The following SUGCT variants were observed in gnomAD, a reference collection of about 807,000 sequenced individuals.
The protein encoded by SUGCT is succinyl-CoA:glutarate-CoA transferase.
SUGCT carries 41 observed loss-of-function variants against 55.0 expected under a neutral mutation model. That is an observed-to-expected ratio of 0.74 (90% CI 0.58 to 0.97). SUGCT has a LOEUF of 0.97. Ranked by LOEUF, SUGCT falls within the 50% of genes least tolerant of loss-of-function variation. SUGCT has a pLI of 0.00. For missense variants in SUGCT, 568 were observed against 547.8 expected (o/e 1.04, Z -0.37); for synonymous variants, 187 against 200.4 (o/e 0.93, Z 0.56).
chr7:40,865,406 T>C (rs1416544356), downstream of SUGCT, among the ~76,000 whole-genome samples: 1 of 152,184 alleles, frequency 6.6e-6, no homozygotes, highest in African/African-American at 2.4e-5. Flanking sequence ...CTGCCACTTC[T>C]TGTCCCTTGA....
rs545718535 is a variant in SUGCT at position 40,219,144 on chromosome 7, A to G, written c.485-18491A>G. 2.0e-5 allele frequency among the ~76,000 whole-genome samples: 3 copies of G among 152,106 alleles called. No individual in the cohort carries two copies. The South Asian group carries it at 6.2e-4, about 32-fold the overall frequency. Reference sequence around the variant, plus strand: ...ACGCGCCACCTTTATGAGCTATAACACTCATGGCCAAGGTCTGCAGCTTCC... The same window carrying G: ...ACGCGCCACCTTTATGAGCTATAACGCTCATGGCCAAGGTCTGCAGCTTCC... On this transcript the variant is annotated intron_variant, in intron 6 of 13. Coordinates refer to ENST00000335693, the MANE Select transcript of SUGCT (RefSeq NM_001193313.2).
chr7:40,763,188 G>C (rs1788620896), intron 13 of SUGCT, among the ~76,000 whole-genome samples: 1 of 152,176 alleles, frequency 6.6e-6, no homozygotes, highest in South Asian at 2.1e-4. Context: ...CCACAATAAG[G>C]CTAGTTGTAG....
chr7:40,499,273 T>C (rs535496698), intron 12 of SUGCT: 2 of 291,340 alleles, frequency 6.9e-6, no homozygotes, highest in African/African-American at 2.2e-5. Flanking sequence ...AAAGCCAGGA[T>C]TGGGAGACTC....
At chr7:40,224,470 A>T (rs1202034524) in intron 6 of SUGCT, among the ~76,000 whole-genome samples, 1 of 150,836 alleles carries the variant, frequency 6.6e-6, no homozygotes, top group Non-Finnish European at 1.5e-5. Context: ...TTGTGAGTTT[A>T]GTTAAGGTCA....
the SUGCT span, among the ~76,000 whole-genome samples, chr7:40,962,581 A>G: frequency 7.3e-6 from 1 of 136,304 alleles, no homozygotes; most frequent in Non-Finnish European, 1.6e-5. Flanking sequence ...ACACACACAC[A>G]CACACACACA....
intron 9 of SUGCT, among the ~76,000 whole-genome samples, chr7:40,398,866 A>G (rs1461312881): frequency 2.6e-5 from 4 of 152,222 alleles, no homozygotes; most frequent in Non-Finnish European, 5.9e-5. Flanking sequence ...GGGCATAGAT[A>G]AAAGTGATTG....
Position 40,248,593 on chromosome 7 carries a change from A to G in SUGCT, c.576+10867A>G, listed in dbSNP as rs189786251. The stretch of plus-strand genomic sequence containing the variant: ...TATTATTATTATTTTTTTGAGATGG[A>G]ATCTTGCTCTGTTGCCCAGGCTGGA... On this transcript the variant is annotated intron_variant, in intron 7 of 13. Coordinates refer to ENST00000335693, the MANE Select transcript of SUGCT (RefSeq NM_001193313.2). 3.3e-5 allele frequency among the ~76,000 whole-genome samples: 5 copies of G among 150,270 alleles called. No individual in the cohort carries two copies. In the East Asian group the frequency reaches 1.0e-3, roughly 31 times the overall value.
At position 40,316,871 on chromosome 7, in the gene SUGCT, T is replaced by A; in HGVS notation, c.816+16T>A. ...TCCTTACCAGGTAAGACTACAGCAG[T>A]CTAGGGTTGGGCTGTTGTAATTTGC... On this transcript the variant is annotated intron_variant, in intron 9 of 13. Transcript: ENST00000335693. The A allele has an allele frequency of 7.0e-7, 1 of 1,425,442 alleles. No homozygotes were observed. The highest frequency in any genetic ancestry group is 9.5e-7 in the Non-Finnish European group (1 of 1,048,260). The allele number at this position is 1,425,442 out of a possible 1,614,324, so 88.3% of individuals were successfully genotyped here.
At chr7:40,824,915 A>G (rs537262879) in intron 13 of SUGCT, among the ~76,000 whole-genome samples, 1 of 152,348 alleles carries the variant, frequency 6.6e-6, no homozygotes, top group South Asian at 2.1e-4. Context: ...AAATATCAGC[A>G]TGAGTTTTAG....
At chr7:40,162,099 T>C (rs879862670) in intron 1 of SUGCT, among the ~76,000 whole-genome samples, 2 of 152,094 alleles carry the variant, frequency 1.3e-5, no homozygotes, top group Non-Finnish European at 2.9e-5. Context: ...GGTTTCACCA[T>C]GTTGGGCAGG....
At chr7:40,568,012 T>G (rs1474862080) in intron 12 of SUGCT, among the ~76,000 whole-genome samples, 10 of 152,212 alleles carry the variant, frequency 6.6e-5, no homozygotes, top group Admixed American at 3.9e-4. Context: ...AATGAATGAT[T>G]CCATTTGAGT....
chr7:40,969,804 C>T, the SUGCT span, among the ~76,000 whole-genome samples: 1 of 152,082 alleles, frequency 6.6e-6, no homozygotes, highest in Non-Finnish European at 1.5e-5. Flanking sequence ...TTATTTCTGT[C>T]CTTGAATGTT....
chr7:40,622,759 TG>T (rs1799335222), intron 12 of SUGCT, among the ~76,000 whole-genome samples: 1 of 151,774 alleles, frequency 6.6e-6, no homozygotes, highest in African/African-American at 2.4e-5. Context: ...GCTGTCGGGG[TG>T]GGAAGATCTA....
At chr7:40,814,146 G>T (rs1029041803) in intron 13 of SUGCT, among the ~76,000 whole-genome samples, 1 of 151,980 alleles carries the variant, frequency 6.6e-6, no homozygotes, top group African/African-American at 2.4e-5. Context: ...CTTTAGTGTC[G>T]ACCTCGGATA....
chr7:40,762,169 A>C (rs1048471815), intron 13 of SUGCT, among the ~76,000 whole-genome samples: 5 of 152,264 alleles, frequency 3.3e-5, no homozygotes, highest in African/African-American at 1.2e-4. Context: ...TTGCACTAGA[A>C]GCAGAAACTA....
chr7:40,609,394 A>T (rs1461707044), intron 12 of SUGCT, among the ~76,000 whole-genome samples: 1 of 151,718 alleles, frequency 6.6e-6, no homozygotes, highest in Non-Finnish European at 1.5e-5. Context: ...GTGAAACCCC[A>T]TCTCTACTAA....
At chr7:40,200,000 G>C (rs1414046091) in intron 6 of SUGCT, among the ~76,000 whole-genome samples, 1 of 152,090 alleles carries the variant, frequency 6.6e-6, no homozygotes, top group Non-Finnish European at 1.5e-5. Context: ...TGGGGAGGTA[G>C]GATATGGGAC....
intron 13 of SUGCT, among the ~76,000 whole-genome samples, chr7:40,771,458 T>C (rs1789103076): frequency 1.3e-5 from 2 of 152,190 alleles, no homozygotes; most frequent in Non-Finnish European, 2.9e-5. Flanking sequence ...TTTCCTGTAA[T>C]GTATCTTAAC....
the SUGCT span, among the ~76,000 whole-genome samples, chr7:40,969,918 T>C: frequency 6.6e-6 from 1 of 152,248 alleles, no homozygotes; most frequent in Non-Finnish European, 1.5e-5. Flanking sequence ...TAGTTTTTCC[T>C]GTTGGCTTTT....
Sources: gnomAD v4.1 joint callset for allele counts (sites outside exome capture counted in the v4.1 genomes callset) on GRCh38, gnomAD v4.1.1 for gene constraint, MANE v1.5 for transcripts, NCBI Gene and HGNC (gene_info 2026-07-23, HGNC 2026-07-21) for gene names.